NTM: variants seen among roughly 807,000 people sequenced by gnomAD.
The protein encoded by NTM is neurotrimin, also known as IgLON family member 2.
NTM carries 13 observed loss-of-function variants against 42.1 expected under a neutral mutation model. The ratio of observed to expected loss-of-function variants is 0.31; its 90% CI spans 0.20 to 0.49. The LOEUF is 0.49. Among genes scored for constraint, NTM ranks in the 20% least tolerant of loss-of-function variants. The pLI is 0.99. For missense variants in NTM, 373 were observed against 452.8 expected, an observed-to-expected ratio of 0.82 and a Z score of 1.60; for synonymous variants, 187 against 179.2, an observed-to-expected ratio of 1.04 and a Z score of -0.35.
At chr11:132,091,915 A>G (rs927510639) in intron 2 of NTM, among the ~76,000 whole-genome samples, 9 of 152,120 alleles carry the variant, frequency 5.9e-5, no homozygotes, top group African/African-American at 2.2e-4. Flanking sequence ...AAACAGATGA[A>G]TAAATAAATT....
intron 8 of NTM, 99 bp downstream of exon 8, chr11:132,330,284 G>T: frequency 7.2e-7 from 1 of 1,395,652 alleles, no homozygotes; most frequent in Non-Finnish European, 9.8e-7. Flanking sequence ...GCTAACTCCA[G>T]GAAGCAGCGC....
intron 1 of NTM, among the ~76,000 whole-genome samples, chr11:131,527,845 G>A (rs1265307797): frequency 6.6e-6 from 1 of 151,618 alleles, no homozygotes; most frequent in Non-Finnish European, 1.5e-5. Context: ...CTGACTCTTT[G>A]GTAGATTTGG....
intron 2 of NTM, among the ~76,000 whole-genome samples, chr11:132,019,282 T>C (rs944258877): frequency 1.3e-5 from 2 of 151,990 alleles, no homozygotes; most frequent in Non-Finnish European, 1.5e-5. Flanking sequence ...TTTTTTAACA[T>C]AGACGTTTAC....
chr11:132,179,490 G>A (rs1268530612), intron 3 of NTM, among the ~76,000 whole-genome samples: 1 of 152,106 alleles, frequency 6.6e-6, no homozygotes, highest in African/African-American at 2.4e-5. Context: ...GATAAGATAG[G>A]AGAGCTATAA....
At chr11:131,460,859 A>G (rs1951313168) in intron 1 of NTM, among the ~76,000 whole-genome samples, 1 of 152,120 alleles carries the variant, frequency 6.6e-6, no homozygotes, top group East Asian at 1.9e-4. Flanking sequence ...CTGCCAAGAG[A>G]GTGCTTTTGA....
At chr11:131,712,176 AAAAAAAAAC>A (rs1274458669) in intron 1 of NTM, among the ~76,000 whole-genome samples, 217 of 146,504 alleles carry the variant, frequency 1.5e-3, no homozygotes, top group African/African-American at 5.3e-3. Flanking sequence ...AAAAAATTAA[AAAAAAAAAC>A]AAAAAAAAAC....
intron 1 of NTM, among the ~76,000 whole-genome samples, chr11:131,792,719 C>T (rs1294955606): frequency 4.6e-5 from 7 of 152,210 alleles, no homozygotes; most frequent in Non-Finnish European, 2.9e-5. Flanking sequence ...TTCTGAAACG[C>T]CACGTGCAGC....
chr11:131,814,222 G>T (rs2092855866), intron 1 of NTM, among the ~76,000 whole-genome samples: 1 of 151,996 alleles, frequency 6.6e-6, no homozygotes, highest in South Asian at 2.1e-4. Context: ...GCCACTTTGG[G>T]TTTTACTCCA....
intron 2 of NTM, among the ~76,000 whole-genome samples, chr11:131,959,136 A>C (rs1022294729): frequency 2.0e-5 from 3 of 152,168 alleles, no homozygotes; most frequent in Non-Finnish European, 4.4e-5. Flanking sequence ...TTCTGTGCTG[A>C]GGTGGTTTGC....
intron 1 of NTM, among the ~76,000 whole-genome samples, chr11:131,744,150 G>A (rs1434445542): frequency 6.6e-6 from 1 of 152,152 alleles, no homozygotes; most frequent in Non-Finnish European, 1.5e-5. Context: ...CTGTGAATTA[G>A]AGGTAATTAT....
chr11:131,391,053 G>A (rs1383346373), intron 1 of NTM, among the ~76,000 whole-genome samples: 1 of 152,162 alleles, frequency 6.6e-6, no homozygotes, highest in Non-Finnish European at 1.5e-5. Flanking sequence ...GGGGCTGCGG[G>A]GAAAGGCACA....
At chr11:131,977,245 C>T (rs556694150) in intron 2 of NTM, among the ~76,000 whole-genome samples, 4 of 152,340 alleles carry the variant, frequency 2.6e-5, no homozygotes, top group African/African-American at 4.8e-5. Context: ...AAACAAAAAG[C>T]GACTACGCGT....
At chr11:131,743,036 T>C (rs11222764) in intron 1 of NTM, among the ~76,000 whole-genome samples, 22,525 of 152,182 alleles carry the variant, frequency 0.15, 2,132 homozygotes, top group East Asian at 0.31. Context: ...GTTTGATTGT[T>C]CAGTTCAATT....
chr11:131,446,577 C>T lies in NTM; in HGVS notation c.82+75689C>T, dbSNP rs562734376. On this transcript the variant is annotated intron_variant, in intron 1 of 8. Transcript: ENST00000683400. ...TCCATCCCACCTAGGCGCACATTCG[C>T]CTTCCTCTGCCTCCCCTTTGAAATC... 2.8e-4 allele frequency among the ~76,000 whole-genome samples: 42 copies of T among 152,340 alleles called. 1 individual carries two copies. The East Asian group carries it at 4.8e-3, about 17-fold the overall frequency.
At chr11:131,867,695 T>G (rs2047370732) in intron 1 of NTM, among the ~76,000 whole-genome samples, 1 of 152,122 alleles carries the variant, frequency 6.6e-6, no homozygotes, top group Admixed American at 6.5e-5. Flanking sequence ...TGTCTGTGTG[T>G]CTGTAGGAGT....
At chr11:131,448,570 G>A (rs1015766295) in intron 1 of NTM, among the ~76,000 whole-genome samples, 1 of 152,242 alleles carries the variant, frequency 6.6e-6, no homozygotes, top group African/African-American at 2.4e-5. Flanking sequence ...ACCAGCAGAG[G>A]CTGCCTCACT....
At chr11:131,612,510 CAA>C (rs779854420) in intron 1 of NTM, among the ~76,000 whole-genome samples, 24 of 152,168 alleles carry the variant, frequency 1.6e-4, no homozygotes, top group Non-Finnish European at 2.4e-4. Context: ...TGTTTTCAGC[CAA>C]AGTCTATCCA....
At chr11:131,585,748 G>T (rs960172789) in intron 1 of NTM, among the ~76,000 whole-genome samples, 1 of 152,010 alleles carries the variant, frequency 6.6e-6, no homozygotes, top group African/African-American at 2.4e-5. Flanking sequence ...TGCCCCAAAT[G>T]GTTGTAGTGT....
intron 1 of NTM, among the ~76,000 whole-genome samples, chr11:131,763,734 T>TTTTTTTTTTTTTTG: frequency 7.0e-6 from 1 of 143,528 alleles, no homozygotes. Context: ...TTTTTTTTTT[T>TTTTTTTTTTTTTTG]TGGCATTGCT....
Sources: allele counts gnomAD v4.1 joint callset (sites outside exome capture counted in the v4.1 genomes callset), GRCh38; gene constraint gnomAD v4.1.1; transcripts MANE v1.5; gene names NCBI Gene and HGNC (gene_info 2026-07-23, HGNC 2026-07-21).